The following MEFV variants were observed in gnomAD, a reference collection of about 807,000 sequenced individuals.
MEFV encodes the protein pyrin.
Under a neutral mutation model 62.5 loss-of-function variants are expected in MEFV, and 60 were observed. The ratio of observed to expected loss-of-function variants is 0.96; its 90% confidence interval spans 0.78 to 1.19. MEFV has a LOEUF of 1.19. Among genes scored for constraint, MEFV ranks in the 50% most tolerant of loss-of-function variants. The pLI, the probability that MEFV is intolerant of heterozygous loss-of-function variation, is 0.00. For missense variants in MEFV, 1,169 were observed against 1,004.5 expected (o/e 1.16, Z -2.21); for synonymous variants, 500 against 415.2 (o/e 1.20, Z -2.48).
chr16:3,248,688 A>C, intron 4 of MEFV: 1 of 1,385,434 alleles, frequency 7.2e-7, no homozygotes, highest in Non-Finnish European at 9.4e-7. Flanking sequence ...GGTGAGTATG[A>C]GAAAGCATGA....
In MEFV at chr16:3,254,173, C is replaced by A; in HGVS notation, c.895G>T (p.Glu299Ter). The A allele has an allele frequency of 1.9e-6, 3 of 1,614,192 alleles. No homozygotes were observed. Among genetic ancestry groups the A allele is most frequent in the Non-Finnish European group, 2.5e-6 (3 of 1,180,032 alleles). The change falls in exon 2 of 10, where the codon GAA becomes TAA. Residue 299 changes from glutamate to a stop codon, truncating the protein, a stop_gained. Coordinates refer to ENST00000219596, the MANE Select transcript of MEFV (RefSeq NM_000243.3). LOFTEE classifies it high-confidence loss of function. ...CACAATTTACCGGTGACCGAATGTTCTGGATTTCCAGGGCCTTCCTTCAGG... is the reference window on the plus strand; with the variant it reads ...CACAATTTACCGGTGACCGAATGTTATGGATTTCCAGGGCCTTCCTTCAGG... The part of the protein sequence containing the change: ...ADLKEGPGNP[E>*]HSVTGRPPDT...
At position 3,249,736 on chromosome 16, in the gene MEFV, C is replaced by T. The variant is rs104895110; in HGVS notation, c.955G>A (p.Glu319Lys). The T allele has an allele frequency of 6.8e-6, 11 of 1,613,994 alleles. No individual in the cohort carries two copies. The highest frequency in any genetic ancestry group is 3.3e-5 in the Admixed American group (2 of 60,000). Residue 319 changes from glutamate (E) to lysine (K), a missense_variant, in exon 3 of 10, where the codon GAA becomes AAA. Coordinates refer to ENST00000219596, the MANE Select transcript of MEFV (RefSeq NM_000243.3). ...TAASPRCHAQEGDPVDGTCVR... is the reference protein window; with the variant it reads ...TAASPRCHAQKGDPVDGTCVR... ...CAGGTACCGTCAACTGGGTCTCCTT[C>T]CTGGGCGTGGCAGCGGGGACTCGCA...
rs186342315 is a variant in MEFV at position 3,250,751 on chromosome 16, C to T, written c.911-971G>A. Among the ~76,000 whole-genome samples, 38 of 151,022 alleles carry T rather than the reference C, an allele frequency of 2.5e-4. No individual in the cohort carries two copies. The highest frequency in any genetic ancestry group is 4.6e-4 in the Admixed American group (7 of 15,098). ...GAAGAAATAGAAACACAAGGCCGAG[C>T]GCAGTGGCTCACGCCTGTAATCCCA... On this transcript the variant is annotated intron_variant, in intron 2 of 9. Coordinates refer to ENST00000219596, the MANE Select transcript of MEFV (RefSeq NM_000243.3).
intron 6 of MEFV, 133 bp from the exon 7 acceptor site, chr16:3,244,721 C>T (rs1048057545): frequency 1.3e-6 from 1 of 747,410 alleles, no homozygotes; most frequent in African/African-American, 1.7e-5. Flanking sequence ...AAAAGTCTTC[C>T]CTGGATTCAG....
At chr16:3,253,168 A>T (rs1191538277) in intron 2 of MEFV, among the ~76,000 whole-genome samples, 5 of 152,050 alleles carry the variant, frequency 3.3e-5, no homozygotes, top group Admixed American at 6.6e-5. Flanking sequence ...GAGGAAGTTA[A>T]GATCAGAGCA....
chr16:3,246,396 A>C lies in MEFV; in HGVS notation c.1610+129T>G, dbSNP rs1328432599. The C allele has an allele frequency of 5.6e-6, 6 of 1,063,692 alleles. No individual in the cohort carries two copies. The African/African-American group carries it at 8.0e-5, about 14-fold the overall frequency. 65.9% of individuals were successfully genotyped at this position (1,063,692 alleles called of 1,614,324 possible). Reference sequence around the variant, plus strand: ...CAGAGAGGCTTTGGGAAGCTGCAGAAAAAAGGAGGAGTCTGGAATCACAGA... The same window carrying C: ...CAGAGAGGCTTTGGGAAGCTGCAGACAAAAGGAGGAGTCTGGAATCACAGA... On this transcript the variant is annotated intron_variant, in intron 6 of 9. Coordinates refer to ENST00000219596, the MANE Select transcript of MEFV (RefSeq NM_000243.3).
intron 2 of MEFV, chr16:3,252,001 G>C: frequency 2.3e-6 from 1 of 426,554 alleles, no homozygotes; most frequent in South Asian, 1.7e-5. Flanking sequence ...AGGATTGTTT[G>C]AGATCAGGAG....
At chr16:3,248,649 C>T (rs1958981021) in intron 4 of MEFV, 1 of 1,070,858 alleles carries the variant, frequency 9.3e-7, no homozygotes, top group Admixed American at 3.2e-5. Context: ...GCAGTAGTCA[C>T]CGGCATAGGT....
chr16:3,254,054 C>A, intron 2 of MEFV, 104 bp downstream of exon 2: 1 of 1,322,836 alleles, frequency 7.6e-7, no homozygotes, highest in Non-Finnish European at 1.1e-6. Flanking sequence ...GCAATCCTCC[C>A]GCCCTGGCCT....
intron 1 of MEFV, 117 bp from the exon 2 acceptor site, chr16:3,254,907 CG>C: frequency 1.3e-6 from 2 of 1,536,098 alleles, no homozygotes; most frequent in South Asian, 1.1e-5. Context: ...AGGAAAACAA[CG>C]GGCCGGGCGC....
rs1355225244 is a variant in MEFV at position 3,243,441 on chromosome 16, CAG to C, written c.2044_2045del (p.Leu682ValfsTer16). On this transcript the variant is annotated frameshift_variant, in exon 10 of 10. Transcript: ENST00000219596. LOFTEE classifies it low-confidence loss of function (END_TRUNC). ...CCACCCAGTAGCCATTCTCTGGCGA[CAG>C]AGTCATGTTCCCTTTCCTGCTTATG... ...TSISRKGNMT[L>X]SPENGYWVVI... 39 of 1,614,168 alleles carry C rather than the reference CAG, an allele frequency of 2.4e-5. No individual in the cohort carries two copies. Among genetic ancestry groups the C allele is most frequent in the Admixed American group, 3.3e-5 (2 of 60,022 alleles).
chr16:3,251,928 C>A, intron 2 of MEFV: 1 of 324,294 alleles, frequency 3.1e-6, no homozygotes, highest in South Asian at 2.4e-5. Context: ...GATATAAATA[C>A]AGTGGGGACC....
At chr16:3,245,501 G>A (rs1958928621) in intron 6 of MEFV, among the ~76,000 whole-genome samples, 1 of 152,122 alleles carries the variant, frequency 6.6e-6, no homozygotes, top group African/African-American at 2.4e-5. Flanking sequence ...GGGCATGGTG[G>A]CACGCTCCTG....
chr16:3,243,651 G>A lies in MEFV; in HGVS notation c.1836C>T (p.Ile612=), dbSNP rs1379396776. ...TAACACTCTTCAGATCATCAGAGAAGATGAGGTTGGGGTAAGCGGTTTCTG... is the reference window on the plus strand; with the variant it reads ...TAACACTCTTCAGATCATCAGAGAAAATGAGGTTGGGGTAAGCGGTTTCTG... ...LDAETAYPNL[I]FSDDLKSVRL... is the part of the protein sequence containing the mutation. Residue 612 remains isoleucine (I), a synonymous_variant, in exon 10 of 10, where the codon ATC becomes ATT. Coordinates refer to ENST00000219596, the MANE Select transcript of MEFV (RefSeq NM_000243.3). 3.1e-6 allele frequency: 5 copies of A among 1,602,358 alleles called. No individual in the cohort carries two copies. Among genetic ancestry groups the A allele is most frequent in the Non-Finnish European group, 4.3e-6 (5 of 1,174,868 alleles).
intron 2 of MEFV, 30 bp downstream of exon 2, chr16:3,254,128 C>A: frequency 6.2e-7 from 1 of 1,610,840 alleles, no homozygotes; most frequent in Admixed American, 1.7e-5. Context: ...TCTCTGCAGC[C>A]GATATAAAGT....
Position 3,254,471 on chromosome 16 carries a change from G to T in MEFV, c.597C>A (p.Ala199=), listed in dbSNP as rs754324261. ...TGGCGTTTCTGCGCAGCCGGACCTC[G>T]GCCTGGCCCCCCTCTAGCGCCCTGC... ...GPCRALEGGQ[A]EVRLRRNASS... The change falls in exon 2 of 10, where the codon GCC becomes GCA. Residue 199 remains alanine (A), a synonymous_variant. Transcript: ENST00000219596. 2 of 1,598,446 alleles carry T rather than the reference G, an allele frequency of 1.3e-6. No individual in the cohort carries two copies. Among genetic ancestry groups the T allele is most frequent in the Non-Finnish European group, 1.7e-6 (2 of 1,173,454 alleles).
intron 8 of MEFV, 140 bp downstream of exon 8, chr16:3,244,114 C>G: frequency 6.4e-7 from 1 of 1,554,746 alleles, no homozygotes; most frequent in Admixed American, 2.0e-5. Context: ...GCCTGGGGGG[C>G]CTGCCATGAC....
intron 1 of MEFV, 85 bp downstream of exon 1, chr16:3,256,226 T>C: frequency 6.7e-7 from 1 of 1,494,536 alleles, no homozygotes; most frequent in Non-Finnish European, 9.1e-7. Context: ...CAGGTCAGAG[T>C]GAGCTGCTCT....
At chr16:3,247,493 AAAATTTACACGTTGAAGCCCTAACCCC>A (rs1025630931) in intron 4 of MEFV, 63 of 552,846 alleles carry the variant, frequency 1.1e-4, no homozygotes, top group African/African-American at 1.1e-3. Context: ...TGTCCCTTCC[AAAATTTACACGTTGAAGCCCTAACCCC>A]CAGTACTCAG....
Sources: allele counts gnomAD v4.1 joint callset (sites outside exome capture counted in the v4.1 genomes callset), GRCh38; gene constraint gnomAD v4.1.1; transcripts MANE v1.5; gene names NCBI Gene and HGNC (gene_info 2026-07-23, HGNC 2026-07-21).